Variants in TPM3 observed in about 807,000 individuals in gnomAD.
TPM3 encodes tropomyosin 3.
A neutral mutation model predicts 43.1 loss-of-function variants in TPM3; 16 were observed. The ratio of observed to expected loss-of-function variants is 0.37; its 90% CI spans 0.25 to 0.56. TPM3 has a LOEUF of 0.56. TPM3 is among the 20% of genes least tolerant of loss of function. The pLI is 0.77. For synonymous variants in TPM3, 101 were observed against 116.9 expected, an observed-to-expected ratio of 0.86 and a Z score of 0.88; for missense variants, 176 against 337.2, an observed-to-expected ratio of 0.52 and a Z score of 3.74.
Position 154,176,008 on chromosome 1 carries a change from T to C in TPM3, c.377+107A>G, listed in dbSNP as rs189797299. The stretch of plus-strand genomic sequence containing the variant: ...GTGCTGGGATTACAGGCGTGAGCCA[T>C]CACACGCAGCCAGAATTGCTATTTA... On this transcript the variant is annotated intron_variant, in intron 3 of 9. Transcript: ENST00000651641. The C allele has an allele frequency of 2.2e-4, 335 of 1,553,728 alleles. 4 individuals are homozygous for C. In the East Asian group the frequency reaches 7.5e-3, roughly 35 times the overall value.
In TPM3 at chr1:154,167,794, A is replaced by T. The variant is rs1661134762; in HGVS notation, c.*143T>A. 1 of 1,576,506 alleles carries T rather than the reference A, an allele frequency of 6.3e-7. No homozygotes were observed. The highest frequency in any genetic ancestry group is 8.6e-7 in the Non-Finnish European group (1 of 1,160,328). On this transcript the variant is annotated 3_prime_UTR_variant, in exon 10 of 10. Coordinates refer to ENST00000651641, the MANE Select transcript of TPM3 (RefSeq NM_152263.4). ...ATTTGGGGTGGGGGTGGAAGAAAAT[A>T]CATAAGTTGCTTTTTGCTCCCCCAT...
chr1:154,183,339 G>A (rs534481555), intron 2 of TPM3: 14 of 1,442,454 alleles, frequency 9.7e-6, no homozygotes, highest in Non-Finnish European at 1.3e-5. Flanking sequence ...CCTCCCAGTC[G>A]CCCTGGAGTA....
At chr1:154,183,123 G>T in intron 2 of TPM3, 2 of 1,598,172 alleles carry the variant, frequency 1.3e-6, no homozygotes, top group Non-Finnish European at 1.7e-6. Flanking sequence ...CAGCCATGGT[G>T]CCCACCCAGC....
intron 2 of TPM3, among the ~76,000 whole-genome samples, chr1:154,182,570 C>G (rs1456766566): frequency 6.6e-6 from 1 of 151,910 alleles, no homozygotes; most frequent in Non-Finnish European, 1.5e-5. Context: ...CCTCCCCGAA[C>G]AGAGAAGCAC....
intron 1 of TPM3, 54 bp downstream of exon 1, chr1:154,191,848 C>T: frequency 6.3e-7 from 1 of 1,599,072 alleles, no homozygotes; most frequent in Non-Finnish European, 8.5e-7. Context: ...AAACTCCCTT[C>T]CATTTCACAG....
Position 154,169,311 on chromosome 1 carries a change from G to A in TPM3, c.848C>T (p.Thr283Ile). 6.2e-7 allele frequency: 1 copy of A among 1,614,192 alleles called. No individual in the cohort carries two copies. The highest frequency in any genetic ancestry group is 8.5e-7 in the Non-Finnish European group (1 of 1,180,032). ...EELDHALNDM[T>I]SI ...TCTACTGTCAGATAGTTACATAGAG[G>A]TCATGTCATTGAGGGCGTGGTCCAG... Residue 283 changes from threonine to isoleucine, a missense_variant, in exon 9 of 10, where the codon ACC becomes ATC. Thr to Ile is a moderately conservative substitution (Grantham distance 89, BLOSUM62 -1). This residue lies in a region of TPM3 where 26 missense variants were observed against 21.8 expected (regional missense o/e 1.19). Transcript: ENST00000651641.
downstream of TPM3, chr1:154,157,151 A>T (rs1306014776): frequency 1.5e-5 from 4 of 263,804 alleles, no homozygotes; most frequent in Non-Finnish European, 2.9e-5. Flanking sequence ...GGTTTCCCAC[A>T]GCGGAGTCTC....
intron 6 of TPM3, chr1:154,171,096 CAG>C (rs910267938): frequency 1.8e-6 from 1 of 560,602 alleles, no homozygotes; most frequent in Non-Finnish European, 3.2e-6. Flanking sequence ...CATTAGGTCT[CAG>C]AGCTGATTCT....
intron 2 of TPM3, among the ~76,000 whole-genome samples, chr1:154,182,035 T>C (rs1663012793): frequency 6.6e-6 from 1 of 152,236 alleles, no homozygotes; most frequent in Non-Finnish European, 1.5e-5. Context: ...AATTCATTAT[T>C]GTCTCCACCA....
chr1:154,169,488 G>A, intron 8 of TPM3, 105 bp from the exon 9 acceptor site: 2 of 1,143,260 alleles, frequency 1.7e-6, no homozygotes, highest in Non-Finnish European at 2.6e-6. Context: ...GTGTGACTGT[G>A]GGTCTAATAC....
Position 154,163,690 on chromosome 1 carries a change from GT to G in TPM3, c.*4246del, listed in dbSNP as rs1464315093. ...GCTCTGTCACCCAGGCTGGAATGCC[GT>G]GGCACAATCTCAGCTCACTACAAGC... On this transcript the variant is annotated 3_prime_UTR_variant, in exon 10 of 10. Transcript: ENST00000651641. Among the ~76,000 whole-genome samples, 7 of 151,928 alleles carry G rather than the reference GT, an allele frequency of 4.6e-5. No individual in the cohort carries two copies. Among genetic ancestry groups the G allele is most frequent in the Non-Finnish European group, 8.8e-5 (6 of 68,012 alleles).
Position 154,166,484 on chromosome 1 carries a change from G to A in TPM3, c.*1453C>T, listed in dbSNP as rs1660975781. ...TACAGTGCAGAACTCCTGGGCTCAA[G>A]CAATCCTCCTGCCTCAGCCTCCCAA... On this transcript the variant is annotated 3_prime_UTR_variant, in exon 10 of 10. Coordinates refer to ENST00000651641, the MANE Select transcript of TPM3 (RefSeq NM_152263.4). 1 of 1,025,836 alleles carries A rather than the reference G, an allele frequency of 9.7e-7. No individual in the cohort carries two copies. The highest frequency in any genetic ancestry group is 4.7e-5 in the South Asian group (1 of 21,304). 63.5% of individuals were successfully genotyped at this position (1,025,836 alleles called of 1,614,324 possible). A position where few individuals can be genotyped will look rare whatever the true frequency, so the allele number is the denominator to read the frequency against.
In TPM3 at chr1:154,167,612, C is replaced by A; in HGVS notation, c.*325G>T. ...TAAATGTCAAGAAAAAATAGACACACACAAAAGTGGCTTTGATTACATAAG... is the reference window on the plus strand; with the variant it reads ...TAAATGTCAAGAAAAAATAGACACAAACAAAAGTGGCTTTGATTACATAAG... On this transcript the variant is annotated 3_prime_UTR_variant, in exon 10 of 10. Coordinates refer to ENST00000651641, the MANE Select transcript of TPM3 (RefSeq NM_152263.4). 1 of 1,225,870 alleles carries A rather than the reference C, an allele frequency of 8.2e-7. No homozygotes were observed. Among genetic ancestry groups the A allele is most frequent in the Non-Finnish European group, 1.0e-6 (1 of 973,172 alleles). The allele number at this position is 1,225,870 out of a possible 1,614,324, so 75.9% of individuals were successfully genotyped here. A position where few individuals can be genotyped will look rare whatever the true frequency, so the allele number is the denominator to read the frequency against.
At chr1:154,160,997 A>T (rs886419470), downstream of TPM3, among the ~76,000 whole-genome samples, 2 of 151,840 alleles carry the variant, frequency 1.3e-5, no homozygotes, top group African/African-American at 4.8e-5. Flanking sequence ...ACAGCCCTGA[A>T]CTCCTAGGGC....
intron 2 of TPM3, among the ~76,000 whole-genome samples, chr1:154,189,474 C>T (rs983153329): frequency 2.7e-5 from 4 of 149,168 alleles, no homozygotes; most frequent in South Asian, 2.1e-4. Flanking sequence ...GGCAACAGAG[C>T]GAGACTCCAT....
At chr1:154,183,319 G>T in intron 2 of TPM3, 3 of 1,474,712 alleles carry the variant, frequency 2.0e-6, no homozygotes, top group Non-Finnish European at 2.7e-6. Flanking sequence ...AGCCGCGGCA[G>T]GGAGTGGATC....
At position 154,165,931 on chromosome 1, in the gene TPM3, T is replaced by C. The variant is rs1660907974; in HGVS notation, c.*2006A>G. ...CCTCTACTCAATTCCCATAACACTA[T>C]TATTTGTGGCATTCATCACACAGTA... On this transcript the variant is annotated 3_prime_UTR_variant, in exon 10 of 10. Coordinates refer to ENST00000651641, the MANE Select transcript of TPM3 (RefSeq NM_152263.4). 6.6e-6 allele frequency among the ~76,000 whole-genome samples: 1 copy of C among 152,204 alleles called. No individual in the cohort carries two copies. Among genetic ancestry groups the C allele is most frequent in the East Asian group, 1.9e-4 (1 of 5,194 alleles).
downstream of TPM3, chr1:154,157,468 A>T: frequency 1.4e-6 from 1 of 724,706 alleles, no homozygotes; most frequent in Admixed American, 1.8e-5. Context: ...CTCCGGGAAG[A>T]GGCAGAGACA....
chr1:154,185,169 T>G (rs149597448), intron 2 of TPM3, among the ~76,000 whole-genome samples: 1,983 of 150,286 alleles, frequency 0.013, 40 homozygotes, highest in African/African-American at 0.047. Context: ...GTCAGGAGTT[T>G]GAGACCAGCC....
Sources: allele counts gnomAD v4.1 joint callset (sites outside exome capture counted in the v4.1 genomes callset), GRCh38; gene constraint gnomAD v4.1.1; regional missense constraint gnomAD v4.1.1; transcripts MANE v1.5; gene names NCBI Gene and HGNC (gene_info 2026-07-23, HGNC 2026-07-21).